Variants in PLEKHA1 observed in about 807,000 individuals in gnomAD.
PLEKHA1 encodes pleckstrin homology domain containing A1, also known as pleckstrin homology domain-containing family A member 1.
Under a neutral mutation model 52.0 loss-of-function variants are expected in PLEKHA1, and 34 were observed. That is an observed-to-expected ratio of 0.65 (90% CI 0.50 to 0.87). The LOEUF (loss-of-function observed/expected upper bound fraction) is 0.87, where lower values mean the gene tolerates loss of function less well. Among genes scored for constraint, PLEKHA1 ranks in the 40% least tolerant of loss-of-function variants. PLEKHA1 has a pLI of 0.00. For missense variants in PLEKHA1, 497 were observed against 504.2 expected, an observed-to-expected ratio of 0.99 and a Z score of 0.14; for synonymous variants, 163 against 170.7, an observed-to-expected ratio of 0.95 and a Z score of 0.35.
intron 5 of PLEKHA1, among the ~76,000 whole-genome samples, chr10:122,407,984 CAT>C (rs545325736): frequency 1.7e-3 from 261 of 152,300 alleles, no homozygotes; most frequent in Middle Eastern, 6.8e-3. Flanking sequence ...CTTGTTACCA[CAT>C]GACAGAAAAC....
intron 11 of PLEKHA1, 25 bp downstream of exon 11, chr10:122,427,056 A>G: frequency 6.3e-7 from 1 of 1,589,758 alleles, no homozygotes; most frequent in Admixed American, 1.7e-5. Context: ...CTCTGGGGTG[A>G]TACTCCCTTG....
At chr10:122,412,295 ATTTGT>A (rs1316410776) in intron 5 of PLEKHA1, 2 of 152,106 alleles carry the variant, frequency 1.3e-5, no homozygotes, top group East Asian at 1.9e-4. Context: ...GAAACTTCTG[ATTTGT>A]TTTAAGAATT....
chr10:122,428,439 C>T, intron 11 of PLEKHA1: 1 of 1,420,748 alleles, frequency 7.0e-7, no homozygotes, highest in Non-Finnish European at 9.3e-7. Context: ...AACCAAACTG[C>T]CTTTTGCAGT....
chr10:122,386,195 A>G (rs1196497993), intron 1 of PLEKHA1, among the ~76,000 whole-genome samples: 1 of 152,070 alleles, frequency 6.6e-6, no homozygotes, highest in Non-Finnish European at 1.5e-5. Context: ...TAGGTATGTT[A>G]TAGTATCTTG....
At chr10:122,384,335 G>A (rs373294410) in intron 1 of PLEKHA1, among the ~76,000 whole-genome samples, 12 of 152,238 alleles carry the variant, frequency 7.9e-5, no homozygotes, top group South Asian at 2.1e-4. Flanking sequence ...TTGGCTGGGC[G>A]CGGTGGCTCA....
chr10:122,441,586 G>C, the PLEKHA1 span: 1 of 152,286 alleles, frequency 6.6e-6, no homozygotes, highest in African/African-American at 2.4e-5. Context: ...TATCCTTAGA[G>C]CTGAGAAAAC....
chr10:122,385,477 C>T (rs11200602), intron 1 of PLEKHA1, among the ~76,000 whole-genome samples: 9,346 of 151,896 alleles, frequency 0.062, 1,004 homozygotes, highest in African/African-American at 0.21. Context: ...CCACCATGCC[C>T]GGCTAATTTT....
At chr10:122,429,355 C>G (rs1181823896) in intron 11 of PLEKHA1, among the ~76,000 whole-genome samples, 8 of 152,090 alleles carry the variant, frequency 5.3e-5, no homozygotes, top group African/African-American at 1.9e-4. Flanking sequence ...TCATAGGCTG[C>G]CAAATTCAGC....
chr10:122,375,343 C>G (rs980466272), intron 1 of PLEKHA1, among the ~76,000 whole-genome samples: 1 of 152,242 alleles, frequency 6.6e-6, no homozygotes, highest in Non-Finnish European at 1.5e-5. Flanking sequence ...GGCTTCAGGA[C>G]TTGCCGAGGC....
At chr10:122,412,161 G>A (rs756816483) in intron 5 of PLEKHA1, 1 of 152,286 alleles carries the variant, frequency 6.6e-6, no homozygotes, top group African/African-American at 2.4e-5. Flanking sequence ...ATCCACTTTA[G>A]TGAGGTGTTA....
At chr10:122,421,068 TACTA>T (rs2133373986) in intron 8 of PLEKHA1, 1 of 152,340 alleles carries the variant, frequency 6.6e-6, no homozygotes, top group South Asian at 2.1e-4. Flanking sequence ...AGTACCTGTC[TACTA>T]AAATAGGTAT....
chr10:122,433,823 G>GCT, downstream of PLEKHA1: 1 of 152,288 alleles, frequency 6.6e-6, no homozygotes, highest in South Asian at 2.1e-4. Flanking sequence ...ATTGCAGCAT[G>GCT]TTCAGCACTT....
downstream of PLEKHA1, chr10:122,436,642 GA>G (rs1223375632): frequency 6.6e-6 from 1 of 152,182 alleles, no homozygotes; most frequent in Non-Finnish European, 1.5e-5. Flanking sequence ...TCTGCCGAAA[GA>G]AAATATAAAG....
chr10:122,407,515 A>G (rs549634505), intron 5 of PLEKHA1, among the ~76,000 whole-genome samples: 4 of 152,312 alleles, frequency 2.6e-5, no homozygotes, highest in African/African-American at 9.6e-5. Flanking sequence ...TCTGAAGTGC[A>G]GTGCCTTACT....
chr10:122,436,734 GTGT>G (rs56349747), downstream of PLEKHA1: 67,641 of 151,836 alleles, frequency 0.45, 16,272 homozygotes, highest in East Asian at 0.62. Context: ...GGTAAGATAA[GTGT>G]TGTGATGGAG....
At chr10:122,405,089 A>G (rs1468310070) in intron 4 of PLEKHA1, among the ~76,000 whole-genome samples, 1 of 152,224 alleles carries the variant, frequency 6.6e-6, no homozygotes, top group African/African-American at 2.4e-5. Context: ...AGAGTGGACT[A>G]TGATAGTTTA....
chr10:122,416,042 A>G (rs767691632), intron 7 of PLEKHA1, 40 bp downstream of exon 7: 3 of 1,556,248 alleles, frequency 1.9e-6, no homozygotes, highest in Non-Finnish European at 2.6e-6. Flanking sequence ...ATGAAAAAGG[A>G]TTACGTTCTA....
At chr10:122,422,685 CTG>C (rs1408382425) in intron 8 of PLEKHA1, 1 of 152,222 alleles carries the variant, frequency 6.6e-6, no homozygotes, top group Non-Finnish European at 1.5e-5. Flanking sequence ...GGATTTAACT[CTG>C]GATCAGAAAA....
intron 8 of PLEKHA1, chr10:122,419,994 T>A (rs1289346793): frequency 1.3e-5 from 2 of 152,230 alleles, no homozygotes; most frequent in Non-Finnish European, 2.9e-5. Flanking sequence ...TGTGCTGTAG[T>A]TGACTGCTTG....
Sources: gnomAD v4.1 joint callset for allele counts (sites outside exome capture counted in the v4.1 genomes callset) on GRCh38, gnomAD v4.1.1 for gene constraint, MANE v1.5 for transcripts, NCBI Gene and HGNC (gene_info 2026-07-23, HGNC 2026-07-21) for gene names.